Variants in GPR39 observed in about 807,000 individuals in gnomAD.
GPR39 encodes zinc sensing receptor.
In GPR39, 23 loss-of-function variants were observed where a neutral mutation model predicts 18.4. That is an observed-to-expected ratio of 1.25 (90% confidence interval 0.90 to 1.77). The LOEUF (loss-of-function observed/expected upper bound fraction) is 1.77. GPR39 is among the 40% of genes most tolerant of loss of function. The probability of loss-of-function intolerance (pLI) is 0.00; values close to 1 mark genes in which losing one functional copy is unlikely to be tolerated. For missense variants in GPR39, 647 were observed against 602.4 expected, an observed-to-expected ratio of 1.07 and a Z score of -0.78; for synonymous variants, 280 against 257.9, an observed-to-expected ratio of 1.09 and a Z score of -0.82.
intron 1 of GPR39, among the ~76,000 whole-genome samples, chr2:132,460,993 A>G (rs928823202): frequency 9.9e-5 from 15 of 152,270 alleles, no homozygotes; most frequent in African/African-American, 3.6e-4. Context: ...TGAGAAGGAT[A>G]GAGGGGTGTA....
At chr2:132,483,447 CT>C (rs1681272814) in intron 1 of GPR39, among the ~76,000 whole-genome samples, 1 of 152,234 alleles carries the variant, frequency 6.6e-6, no homozygotes, top group Admixed American at 6.5e-5. Flanking sequence ...GTTGCCTTCA[CT>C]TCCATGTAAT....
At chr2:132,521,121 G>T (rs1679418565) in intron 1 of GPR39, among the ~76,000 whole-genome samples, 1 of 152,118 alleles carries the variant, frequency 6.6e-6, no homozygotes, top group South Asian at 2.1e-4. Flanking sequence ...CTTTCCAATG[G>T]GAACAAGGGA....
At chr2:132,517,874 A>G (rs1314205297) in intron 1 of GPR39, among the ~76,000 whole-genome samples, 3 of 152,230 alleles carry the variant, frequency 2.0e-5, no homozygotes, top group Non-Finnish European at 4.4e-5. Context: ...CTGAACACCT[A>G]TTATGGGTGA....
Position 132,558,402 on chromosome 2 carries a change from G to C in GPR39, c.857-86699G>C, listed in dbSNP as rs1417915807. On this transcript the variant is annotated intron_variant, in intron 1 of 1. Coordinates refer to ENST00000329321, the MANE Select transcript of GPR39 (RefSeq NM_001508.3). ...ACACACCTCATCCAGATACACAGAG[G>C]CTCATGACTGAGTCTCTTGACAAAT... Among the ~76,000 whole-genome samples the C allele has an allele frequency of 2.6e-5, 4 of 152,144 alleles. No homozygotes were observed. The South Asian group carries it at 8.3e-4, about 32-fold the overall frequency.
intron 1 of GPR39, among the ~76,000 whole-genome samples, chr2:132,506,191 C>A (rs948934782): frequency 6.6e-6 from 1 of 151,286 alleles, no homozygotes; most frequent in East Asian, 1.9e-4. Flanking sequence ...TCAGCCATTT[C>A]TATGTTTTCT....
chr2:132,611,178 G>A (rs2104850088), intron 1 of GPR39, among the ~76,000 whole-genome samples: 1 of 152,364 alleles, frequency 6.6e-6, no homozygotes, highest in African/African-American at 2.4e-5. Flanking sequence ...GGAGAACACA[G>A]TGCAGGAAAA....
At chr2:132,451,039 G>C (rs926760245) in intron 1 of GPR39, among the ~76,000 whole-genome samples, 1 of 152,160 alleles carries the variant, frequency 6.6e-6, no homozygotes, top group African/African-American at 2.4e-5. Flanking sequence ...ACCTGCCCCA[G>C]GTGCTTGAAC....
At chr2:132,479,809 TA>T (rs923118903) in intron 1 of GPR39, among the ~76,000 whole-genome samples, 21 of 148,642 alleles carry the variant, frequency 1.4e-4, no homozygotes, top group African/African-American at 5.0e-4. Context: ...TTCTCAAAAT[TA>T]AAAATAAAAT....
intron 1 of GPR39, among the ~76,000 whole-genome samples, chr2:132,532,856 A>G (rs192409971): frequency 2.3e-4 from 35 of 152,354 alleles, no homozygotes; most frequent in Non-Finnish European, 4.1e-4. Context: ...CAAAATAATA[A>G]GAGCTATCTA....
intron 1 of GPR39, among the ~76,000 whole-genome samples, chr2:132,534,215 G>A (rs1679698293): frequency 6.6e-6 from 1 of 152,122 alleles, no homozygotes; most frequent in South Asian, 2.1e-4. Context: ...AGACATTTAT[G>A]CAGCCAAAAA....
chr2:132,600,642 A>G, intron 1 of GPR39, among the ~76,000 whole-genome samples: 1 of 152,162 alleles, frequency 6.6e-6, no homozygotes, highest in East Asian at 1.9e-4. Context: ...CATATAACCT[A>G]CCAAGATTGA....
intron 1 of GPR39, among the ~76,000 whole-genome samples, chr2:132,459,181 C>G (rs1680788614): frequency 6.6e-6 from 1 of 152,154 alleles, no homozygotes; most frequent in African/African-American, 2.4e-5. Context: ...TTTTACAGTT[C>G]CATGTCTCCT....
intron 1 of GPR39, among the ~76,000 whole-genome samples, chr2:132,574,976 A>G (rs1250114198): frequency 6.6e-6 from 1 of 152,100 alleles, no homozygotes; most frequent in Non-Finnish European, 1.5e-5. Flanking sequence ...ATTATTACCA[A>G]TTTTTGTGTA....
At chr2:132,442,122 T>C (rs1324243978) in intron 1 of GPR39, among the ~76,000 whole-genome samples, 1 of 152,140 alleles carries the variant, frequency 6.6e-6, no homozygotes, top group African/African-American at 2.4e-5. Context: ...CCTGTCTCAG[T>C]GAGTACCACC....
At chr2:132,442,965 T>C (rs1160298391) in intron 1 of GPR39, among the ~76,000 whole-genome samples, 2 of 152,224 alleles carry the variant, frequency 1.3e-5, no homozygotes, top group Non-Finnish European at 2.9e-5. Context: ...TTTTAAATGG[T>C]TAATAAGATT....
At chr2:132,493,307 T>TATACCATATATATACAC (rs1681550957) in intron 1 of GPR39, among the ~76,000 whole-genome samples, 1 of 146,082 alleles carries the variant, frequency 6.8e-6, no homozygotes, top group Non-Finnish European at 1.5e-5. Context: ...ACACCATATA[T>TATACCATATATATACAC]ATACCATATA....
chr2:132,597,099 A>G (rs895080990), intron 1 of GPR39, among the ~76,000 whole-genome samples: 1 of 152,200 alleles, frequency 6.6e-6, no homozygotes, highest in Non-Finnish European at 1.5e-5. Context: ...CAGGAGTAGC[A>G]TGGGGAACTG....
intron 1 of GPR39, among the ~76,000 whole-genome samples, chr2:132,598,467 T>TTG (rs1558853402): frequency 7.3e-6 from 1 of 137,160 alleles, no homozygotes; most frequent in African/African-American, 2.8e-5. Flanking sequence ...AATGGGGTTT[T>TTG]TTGTTGTTGT....
chr2:132,619,314 G>T (rs73955759), intron 1 of GPR39, among the ~76,000 whole-genome samples: 146 of 152,258 alleles, frequency 9.6e-4, no homozygotes, highest in African/African-American at 3.2e-3. Flanking sequence ...TGAAAGATCC[G>T]GCAAGCATGG....
Sources: gnomAD v4.1 joint callset for allele counts (sites outside exome capture counted in the v4.1 genomes callset) on GRCh38, gnomAD v4.1.1 for gene constraint, MANE v1.5 for transcripts, NCBI Gene and HGNC (gene_info 2026-07-23, HGNC 2026-07-21) for gene names.